FHIP2A: variants seen among roughly 807,000 people sequenced by gnomAD.
FHIP2A encodes family with sequence similarity 160 member B1.
In FHIP2A, 46 loss-of-function variants were observed where a neutral mutation model predicts 93.5. The ratio of observed to expected loss-of-function variants is 0.49; its 90% confidence interval spans 0.39 to 0.63. The LOEUF (loss-of-function observed/expected upper bound fraction) is 0.63, where lower values mean the gene tolerates loss of function less well. FHIP2A is among the 20% of genes least tolerant of loss of function. FHIP2A has a pLI of 0.00. For missense variants in FHIP2A, 769 were observed against 909.7 expected, an observed-to-expected ratio of 0.85 and a Z score of 1.99; for synonymous variants, 332 against 326.5, an observed-to-expected ratio of 1.02 and a Z score of -0.18.
intron 16 of FHIP2A, among the ~76,000 whole-genome samples, chr10:114,878,917 G>GA (rs1243717935): frequency 6.6e-6 from 1 of 152,090 alleles, no homozygotes; most frequent in African/African-American, 2.4e-5. Context: ...GCTATGTGGG[G>GA]ATCAGGGACA....
intron 16 of FHIP2A, among the ~76,000 whole-genome samples, chr10:114,871,033 T>TAC (rs201770338): frequency 6.9e-6 from 1 of 144,402 alleles, no homozygotes; most frequent in African/African-American, 2.5e-5. Context: ...TATATATATA[T>TAC]ACACATACAT....
chr10:114,822,211 TTGGCCCGGCCCTCGGCGGCCC>T (rs2083531207), intron 1 of FHIP2A, 88 bp downstream of exon 1: 2 of 852,330 alleles, frequency 2.3e-6, no homozygotes, highest in East Asian at 9.4e-5. Flanking sequence ...CCGGGCGGCC[TTGGCCCGGCCCTCGGCGGCCC>T]TGTCCCCGGT....
chr10:114,883,251 C>T (rs1445825226), intron 16 of FHIP2A, among the ~76,000 whole-genome samples: 2 of 152,166 alleles, frequency 1.3e-5, no homozygotes, highest in African/African-American at 2.4e-5. Context: ...AAGTTTCACA[C>T]GCCTGCTTTC....
chr10:114,843,612 G>T, intron 6 of FHIP2A, 129 bp from the exon 7 acceptor site: 1 of 745,776 alleles, frequency 1.3e-6, no homozygotes, highest in South Asian at 3.1e-5. Context: ...CCAATAATAT[G>T]CATTTAAAAT....
chr10:114,828,221 G>A (rs2083588651), intron 1 of FHIP2A, among the ~76,000 whole-genome samples: 1 of 152,140 alleles, frequency 6.6e-6, no homozygotes, highest in African/African-American at 2.4e-5. Flanking sequence ...TCTAACTCCT[G>A]GAGGGAGGTA....
In FHIP2A at chr10:114,862,494, G is replaced by A. The variant is rs899018297; in HGVS notation, c.*954G>A. The A allele has an allele frequency of 2.0e-6, 2 of 987,386 alleles. No individual in the cohort carries two copies. Among genetic ancestry groups the A allele is most frequent in the Middle Eastern group, 2.8e-4 (1 of 3,546 alleles). 61.2% of individuals were successfully genotyped at this position (987,386 alleles called of 1,614,324 possible). A position where few individuals can be genotyped will look rare whatever the true frequency, so the allele number is the denominator to read the frequency against. On this transcript the variant is annotated 3_prime_UTR_variant, in exon 17 of 17. Coordinates refer to ENST00000369248, the MANE Select transcript of FHIP2A (RefSeq NM_020940.4). Reference sequence around the variant, plus strand: ...GCAATCAAAGTGCCAGTGGCTCCTCGATGTTTACATTTTTTTCTATTTTGT... The same window carrying A: ...GCAATCAAAGTGCCAGTGGCTCCTCAATGTTTACATTTTTTTCTATTTTGT...
At chr10:114,866,235 C>T (rs1048203901), downstream of FHIP2A, among the ~76,000 whole-genome samples, 4 of 151,834 alleles carry the variant, frequency 2.6e-5, no homozygotes, top group East Asian at 1.9e-4. Flanking sequence ...TCTGTTCCTG[C>T]GTTAGTTTGC....
At chr10:114,851,522 C>A (rs1026951068) in intron 13 of FHIP2A, among the ~76,000 whole-genome samples, 4 of 151,946 alleles carry the variant, frequency 2.6e-5, no homozygotes, top group African/African-American at 9.7e-5. Context: ...TGAGGACTCT[C>A]AATTCTATTC....
intron 15 of FHIP2A, 134 bp downstream of exon 15, chr10:114,861,023 G>C: frequency 7.7e-6 from 8 of 1,034,594 alleles, no homozygotes; most frequent in Non-Finnish European, 1.1e-5. Context: ...TATACATTCT[G>C]AACTACTATT....
At chr10:114,870,272 G>T (rs35628210) in intron 16 of FHIP2A, among the ~76,000 whole-genome samples, 2 of 151,974 alleles carry the variant, frequency 1.3e-5, no homozygotes, top group Admixed American at 1.3e-4. Flanking sequence ...GAGTTTTTCT[G>T]CTGATTCCTG....
intron 1 of FHIP2A, among the ~76,000 whole-genome samples, chr10:114,823,959 C>T (rs2083558798): frequency 6.6e-6 from 1 of 152,152 alleles, no homozygotes; most frequent in Non-Finnish European, 1.5e-5. Flanking sequence ...GAAAAAAATT[C>T]TGCAGAGTTC....
rs760911084 is a variant in FHIP2A, at chr10:114,843,044, G to A, written c.634G>A (p.Glu212Lys). 9 of 1,613,552 alleles carry A rather than the reference G, an allele frequency of 5.6e-6. No individual in the cohort carries two copies. Among genetic ancestry groups the A allele is most frequent in the Admixed American group, 5.0e-5 (3 of 59,990 alleles). The stretch of plus-strand genomic sequence containing the variant: ...TACAGGACAGTCCCGTCAACCAGAG[G>A]AACTATCTGGTGCTACTGGAATGGA... ...TDTGQSRQPE[E>K]LSGATGMEQT... The change falls in exon 6 of 17, where the codon GAA becomes AAA. Residue 212 changes from glutamate (E) to lysine (K), a missense_variant. Transcript: ENST00000369248.
In FHIP2A at chr10:114,855,238, T is replaced by A; in HGVS notation, c.1845T>A (p.Pro615=). 1 of 1,614,098 alleles carries A rather than the reference T, an allele frequency of 6.2e-7. No homozygotes were observed. Among genetic ancestry groups the A allele is most frequent in the Admixed American group, 1.7e-5 (1 of 60,016 alleles). ...CTATCTGCTTAAGATGGGAGTGGCCTGGGTCTCCAAAAGCATTGGAAAAGT... is the reference window on the plus strand; with the variant it reads ...CTATCTGCTTAAGATGGGAGTGGCCAGGGTCTCCAAAAGCATTGGAAAAGT... ...YCAICLRWEW[P]GSPKALEKCN... is the part of the protein sequence containing the mutation. Residue 615 remains proline, a synonymous_variant, in exon 14 of 17, where the codon CCT becomes CCA. Transcript: ENST00000369248.
chr10:114,873,556 C>CA (rs2083869368), intron 16 of FHIP2A, among the ~76,000 whole-genome samples: 2 of 152,074 alleles, frequency 1.3e-5, no homozygotes, highest in African/African-American at 4.8e-5. Flanking sequence ...AGAGTATCTG[C>CA]AAAAAACTGT....
rs1206895212 is a variant in FHIP2A at position 114,833,399 on chromosome 10, T to A, written c.291T>A (p.Ala97=). ...AAACATTATATACCTTGGGGAAAGC[T>A]GATGTAAGTTCCTGATCCACACCAT... ...ILETLYTLGK[A]DCPPGMKQQV... is the part of the protein sequence containing the mutation. The change falls in exon 3 of 17, where the codon GCT becomes GCA. Residue 97 remains alanine, a synonymous_variant. Coordinates refer to ENST00000369248, the MANE Select transcript of FHIP2A (RefSeq NM_020940.4). 6.2e-7 allele frequency: 1 copy of A among 1,613,564 alleles called. No homozygotes were observed. The highest frequency in any genetic ancestry group is 2.2e-5 in the East Asian group (1 of 44,812).
In FHIP2A at chr10:114,848,671, C is replaced by G. The variant is rs150003500; in HGVS notation, c.1737C>G (p.Asp579Glu). 4 of 1,610,266 alleles carry G rather than the reference C, an allele frequency of 2.5e-6. No homozygotes were observed. Among genetic ancestry groups the G allele is most frequent in the Non-Finnish European group, 3.4e-6 (4 of 1,178,060 alleles). Residue 579 changes from aspartate to glutamate, a missense_variant, in exon 13 of 17, where the codon GAC becomes GAG. Asp to Glu is a conservative substitution (Grantham distance 45). Transcript: ENST00000369248. ...VNSFLCLVPD[D>E]AKSSYHVEGT... ...GTTTTCTCTGTCTGGTACCGGATGA[C>G]GCAAAATCCTCCTACCATGTTGAGG...
At chr10:114,897,301 G>A (rs150777723) in intron 16 of FHIP2A, among the ~76,000 whole-genome samples, 2 of 152,322 alleles carry the variant, frequency 1.3e-5, no homozygotes, top group Non-Finnish European at 1.5e-5. Flanking sequence ...TCCAGCCAAT[G>A]GAAACCGGAC....
intron 2 of FHIP2A, among the ~76,000 whole-genome samples, chr10:114,831,789 C>T (rs2083609394): frequency 1.3e-5 from 2 of 152,164 alleles, no homozygotes; most frequent in Admixed American, 1.3e-4. Flanking sequence ...ATAGTTTGCA[C>T]CAGTTCATCC....
At chr10:114,838,146 T>G (rs961945212) in intron 5 of FHIP2A, among the ~76,000 whole-genome samples, 2 of 152,258 alleles carry the variant, frequency 1.3e-5, no homozygotes, top group Non-Finnish European at 2.9e-5. Flanking sequence ...CGTGAGCTCC[T>G]GTTGCTCCGT....
Sources: gnomAD v4.1 joint callset for allele counts (sites outside exome capture counted in the v4.1 genomes callset) on GRCh38, gnomAD v4.1.1 for gene constraint, MANE v1.5 for transcripts, NCBI Gene and HGNC (gene_info 2026-07-23, HGNC 2026-07-21) for gene names.